Variants in DMD observed in about 807,000 individuals in gnomAD.
DMD encodes dystrophin, also known as mutant dystrophin.
Under a neutral mutation model 330.1 loss-of-function variants are expected in DMD, and 63 were observed. The observed-to-expected ratio is 0.19, with a 90% CI of 0.16 to 0.24. The LOEUF (loss-of-function observed/expected upper bound fraction) is 0.24, where lower values mean the gene tolerates loss of function less well. Among genes scored for constraint, DMD ranks in the 10% least tolerant of loss-of-function variants. DMD has a pLI of 1.00. For missense variants in DMD, 3,344 were observed against 2,684.1 expected (o/e 1.25, Z -5.43); for synonymous variants, 1,223 against 959.8 (o/e 1.27, Z -5.07).
chrX:33,108,868 G>GAA (rs59817056), intron 1 of DMD, among the ~76,000 whole-genome samples: 443 of 24,233 alleles, frequency 0.018, 35 homozygotes, highest in African/African-American at 0.041. Flanking sequence ...CTCCGTTTCG[G>GAA]AAAAAAAAAA....
chrX:32,368,149 C>A (rs1293391983), intron 34 of DMD, among the ~76,000 whole-genome samples: 2 of 111,645 alleles, frequency 1.8e-5, no homozygotes, highest in Non-Finnish European at 1.9e-5. Context: ...ATCTGAAATA[C>A]TAATTGACCA....
Position 32,787,244 on chromosome X carries a change from G to GTA in DMD, c.649+22248_649+22249insTA. Among the ~76,000 whole-genome samples the GTA allele has an allele frequency of 4.3e-5, 4 of 93,742 alleles. No homozygotes were observed. The Admixed American group carries it at 4.5e-4, about 11-fold the overall frequency. 81.4% of individuals were successfully genotyped at this position (93,742 alleles called of 115,157 possible). On this transcript the variant is annotated intron_variant, in intron 7 of 78. Transcript: ENST00000357033. Reference sequence around the variant, plus strand: ...TGTGTGTGTGTGTGTGTGTGTGTGTGTGTGAGAGAGAGAGAGAGAGAGAGA... The same window carrying GTA: ...TGTGTGTGTGTGTGTGTGTGTGTGTGTATGTGAGAGAGAGAGAGAGAGAGAGA...
intron 52 of DMD, among the ~76,000 whole-genome samples, chrX:31,720,478 T>C (rs955385539): frequency 8.9e-6 from 1 of 111,754 alleles, no homozygotes; most frequent in Non-Finnish European, 1.9e-5. Context: ...CTGTAGGTCA[T>C]AAGATAAAAA....
At chrX:32,716,822 G>T (rs1258631034) in intron 7 of DMD, among the ~76,000 whole-genome samples, 4 of 111,645 alleles carry the variant, frequency 3.6e-5, no homozygotes, top group Non-Finnish European at 7.5e-5. Flanking sequence ...CTCTCGCAAT[G>T]CTTTAACAAA....
chrX:32,025,407 T>C (rs781647108), intron 44 of DMD, among the ~76,000 whole-genome samples: 8 of 112,096 alleles, frequency 7.1e-5, no homozygotes, highest in African/African-American at 2.6e-4. Context: ...AGTTCCTTAG[T>C]GTCCCTGGCC....
chrX:32,907,977 C>G (rs1419397697), intron 2 of DMD, among the ~76,000 whole-genome samples: 1 of 111,420 alleles, frequency 9.0e-6, no homozygotes, highest in Non-Finnish European at 1.9e-5. Context: ...TGACACATCT[C>G]TTTACGTTCC....
At chrX:33,130,113 TA>T (rs1463143226) in intron 1 of DMD, among the ~76,000 whole-genome samples, 6 of 112,028 alleles carry the variant, frequency 5.4e-5, no homozygotes, top group Admixed American at 9.5e-5. Context: ...TTGCAGAAGT[TA>T]CTGACTTGAG....
At chrX:32,249,412 T>C (rs1178577035) in intron 43 of DMD, among the ~76,000 whole-genome samples, 1 of 111,853 alleles carries the variant, frequency 8.9e-6, no homozygotes. Flanking sequence ...TGTTTGGTGA[T>C]CAAGAGCTAC....
At chrX:33,053,449 A>G (rs2094481678) in intron 1 of DMD, among the ~76,000 whole-genome samples, 1 of 109,800 alleles carries the variant, frequency 9.1e-6, no homozygotes, top group South Asian at 3.9e-4. Flanking sequence ...TACAAAAATT[A>G]GCCGGGCATG....
At chrX:31,695,309 T>C (rs1298931578) in intron 52 of DMD, among the ~76,000 whole-genome samples, 1 of 110,794 alleles carries the variant, frequency 9.0e-6, no homozygotes, top group Non-Finnish European at 1.9e-5. Flanking sequence ...TGGGGATTGT[T>C]AGCGGCTACA....
rs367681945 is a variant in DMD, at chrX:31,766,347, C to T, written c.7542+7613G>A. ...GATCTCGGCTCACTGCAACATCTGCCTCCCGGGTTCAAGCGATTCTCCTGC... is the reference window on the plus strand; with the variant it reads ...GATCTCGGCTCACTGCAACATCTGCTTCCCGGGTTCAAGCGATTCTCCTGC... On this transcript the variant is annotated intron_variant, in intron 51 of 78. Transcript: ENST00000357033. Among the ~76,000 whole-genome samples, 34 of 110,028 alleles carry T rather than the reference C, an allele frequency of 3.1e-4. No individual in the cohort carries two copies. In the South Asian group the frequency reaches 0.013, roughly 42 times the overall value.
At chrX:32,296,067 C>T (rs983178654) in intron 42 of DMD, among the ~76,000 whole-genome samples, 6 of 112,027 alleles carry the variant, frequency 5.4e-5, no homozygotes, top group Non-Finnish European at 7.5e-5. Context: ...CGTTGCTTCC[C>T]GAATACTGTG....
chrX:31,749,467 A>G (rs1037117746), intron 51 of DMD, among the ~76,000 whole-genome samples: 1 of 105,548 alleles, frequency 9.5e-6, no homozygotes, highest in South Asian at 4.5e-4. Context: ...TACAAAGGAC[A>G]TGAACTCATC....
intron 2 of DMD, among the ~76,000 whole-genome samples, chrX:32,883,979 A>G (rs1476479607): frequency 9.1e-6 from 1 of 110,221 alleles, no homozygotes; most frequent in Non-Finnish European, 1.9e-5. Flanking sequence ...ATATCTAATA[A>G]AGACAGAAAT....
chrX:32,332,034 G>C (rs535114228), intron 41 of DMD, among the ~76,000 whole-genome samples: 3 of 111,201 alleles, frequency 2.7e-5, no homozygotes, highest in Admixed American at 1.9e-4. Context: ...TTAATAGCTT[G>C]TCTTTATTTT....
chrX:31,524,522 C>T (rs1015895915), intron 55 of DMD, among the ~76,000 whole-genome samples: 3 of 111,860 alleles, frequency 2.7e-5, no homozygotes, highest in African/African-American at 6.5e-5. Flanking sequence ...TCTCACTCAG[C>T]CAGCCTATGG....
At chrX:32,871,383 AGATCAAGTGGGAGGTTTC>A (rs2082985116) in intron 2 of DMD, among the ~76,000 whole-genome samples, 6 of 111,045 alleles carry the variant, frequency 5.4e-5, no homozygotes, top group South Asian at 3.9e-4. Context: ...CCCATACTTA[AGATCAAGTGGGAGGTTTC>A]TATTTTAACA....
At chrX:32,944,456 G>A (rs1296958536) in intron 2 of DMD, among the ~76,000 whole-genome samples, 2 of 111,399 alleles carry the variant, frequency 1.8e-5, no homozygotes, top group African/African-American at 6.5e-5. Flanking sequence ...GTAAAGCAGG[G>A]TTTTGCCTTT....
chrX:32,293,631 G>T (rs960062622), intron 42 of DMD, among the ~76,000 whole-genome samples: 1 of 111,816 alleles, frequency 8.9e-6, no homozygotes, highest in African/African-American at 3.3e-5. Context: ...GTACGACATT[G>T]CAGTATGCTG....
Sources: allele counts gnomAD v4.1 joint callset (sites outside exome capture counted in the v4.1 genomes callset), GRCh38; gene constraint gnomAD v4.1.1; transcripts MANE v1.5; gene names NCBI Gene and HGNC (gene_info 2026-07-23, HGNC 2026-07-21).